PRUNE2: variants seen among roughly 807,000 people sequenced by gnomAD.
PRUNE2 encodes prune homolog 2 with BCH domain.
A neutral mutation model predicts 252.0 loss-of-function variants in PRUNE2; 164 were observed. The ratio of observed to expected loss-of-function variants is 0.65; its 90% CI spans 0.57 to 0.74. The LOEUF (loss-of-function observed/expected upper bound fraction) is 0.74. Ranked by LOEUF, PRUNE2 falls within the 30% of genes least tolerant of loss-of-function variation. The pLI is 0.00. For missense variants in PRUNE2, 3,495 were observed against 3,711.0 expected (o/e 0.94, Z 1.51); for synonymous variants, 1,292 against 1,350.2 (o/e 0.96, Z 0.94).
rs759627070 is a variant in PRUNE2, at chr9:76,774,459, T to TATTTATTTATTTATTTA, written c.756+49172_756+49173insTAAATAAATAAATAAAT. 4.4e-3 allele frequency among the ~76,000 whole-genome samples: 609 copies of TATTTATTTATTTATTTA among 139,116 alleles called. 19 individuals are homozygous for TATTTATTTATTTATTTA. Among genetic ancestry groups the TATTTATTTATTTATTTA allele is most frequent in the African/African-American group, 0.015 (586 of 38,036 alleles). 91.3% of individuals were successfully genotyped at this position (139,116 alleles called of 152,430 possible). ...GGCCTCCAGTTCAACCCTTTTTTTT[T>TATTTATTTATTTATTTA]TTTTTTTTTTTTTTTTTTGAGATGG... On this transcript the variant is annotated intron_variant, in intron 6 of 18. Coordinates refer to ENST00000376718, the MANE Select transcript of PRUNE2 (RefSeq NM_015225.3).
At chr9:76,809,804 T>TA (rs1254997578) in intron 6 of PRUNE2, among the ~76,000 whole-genome samples, 1 of 152,198 alleles carries the variant, frequency 6.6e-6, no homozygotes, top group Non-Finnish European at 1.5e-5. Flanking sequence ...GATTTAAAAA[T>TA]AAAATAAATG....
At chr9:76,642,651 G>C (rs1240179898) in intron 12 of PRUNE2, among the ~76,000 whole-genome samples, 1 of 152,210 alleles carries the variant, frequency 6.6e-6, no homozygotes, top group African/African-American at 2.4e-5. Context: ...ATGCTTATCA[G>C]AAGCCGAAGG....
At chr9:76,875,394 C>T (rs2061421300) in intron 1 of PRUNE2, among the ~76,000 whole-genome samples, 1 of 152,144 alleles carries the variant, frequency 6.6e-6, no homozygotes, top group Non-Finnish European at 1.5e-5. Flanking sequence ...TTGAGACAAT[C>T]TTGCTCTGTC....
chr9:76,678,644 A>G (rs1405542194), intron 9 of PRUNE2, among the ~76,000 whole-genome samples: 1 of 152,062 alleles, frequency 6.6e-6, no homozygotes, highest in African/African-American at 2.4e-5. Flanking sequence ...CCTGGCTAAC[A>G]CGGTGAAACC....
rs1358237619 is a variant in PRUNE2, at chr9:76,811,447, G to T, written c.756+12185C>A. Among the ~76,000 whole-genome samples, 3 of 152,252 alleles carry T rather than the reference G, an allele frequency of 2.0e-5. No homozygotes were observed. In the South Asian group the frequency reaches 6.2e-4, roughly 32 times the overall value. ...GATGACTAAAATGACTAGAACAAAA[G>T]TCTACCAATGACTTTTCCAGATACC... On this transcript the variant is annotated intron_variant, in intron 6 of 18. Coordinates refer to ENST00000376718, the MANE Select transcript of PRUNE2 (RefSeq NM_015225.3).
At chr9:76,877,259 C>A (rs2061526176) in intron 1 of PRUNE2, among the ~76,000 whole-genome samples, 2 of 151,884 alleles carry the variant, frequency 1.3e-5, no homozygotes, top group South Asian at 2.1e-4. Context: ...AATCCCAGCA[C>A]TTTGGTAGGC....
rs747362509 is a variant in PRUNE2 at position 76,614,619 on chromosome 9, G to C, written c.9237-19C>G. 1.2e-6 allele frequency: 2 copies of C among 1,605,070 alleles called. No individual in the cohort carries two copies. Among genetic ancestry groups the C allele is most frequent in the Admixed American group, 1.7e-5 (1 of 59,832 alleles). ...GTCAATACTGCAAAGAAAAGAAAAA[G>C]AGAGAGAAACATGAGAAACCAAATG... On this transcript the variant is annotated intron_variant, in intron 18 of 18. Transcript: ENST00000376718.
At chr9:76,650,339 A>G (rs1846911423) in intron 11 of PRUNE2, among the ~76,000 whole-genome samples, 1 of 151,464 alleles carries the variant, frequency 6.6e-6, no homozygotes, top group Admixed American at 6.6e-5. Flanking sequence ...ATATAATATA[A>G]ATGAAAAAGT....
chr9:76,780,970 GT>G (rs2054324560), intron 6 of PRUNE2, among the ~76,000 whole-genome samples: 1 of 152,110 alleles, frequency 6.6e-6, no homozygotes, highest in Non-Finnish European at 1.5e-5. Flanking sequence ...TTTATGCTAC[GT>G]ACCTGAGAAT....
chr9:76,763,138 G>A (rs1276818075), intron 6 of PRUNE2, among the ~76,000 whole-genome samples: 1 of 152,078 alleles, frequency 6.6e-6, no homozygotes, highest in Non-Finnish European at 1.5e-5. Context: ...TCTTCTGGTC[G>A]GGGCAGCATT....
chr9:76,790,425 T>C (rs1007303592), intron 6 of PRUNE2, among the ~76,000 whole-genome samples: 2 of 152,314 alleles, frequency 1.3e-5, no homozygotes, highest in African/African-American at 2.4e-5. Flanking sequence ...TAAGAACATA[T>C]AATCAGTCAC....
At chr9:76,618,765 T>A (rs928880480) in intron 18 of PRUNE2, among the ~76,000 whole-genome samples, 1 of 152,226 alleles carries the variant, frequency 6.6e-6, no homozygotes, top group Non-Finnish European at 1.5e-5. Context: ...CTGTGAAATG[T>A]ACCTCATAAA....
At position 76,689,656 on chromosome 9, in the gene PRUNE2, G is replaced by T. The variant is rs116742566; in HGVS notation, c.8276+13681C>A. 1.5e-3 allele frequency among the ~76,000 whole-genome samples: 223 copies of T among 152,204 alleles called. 1 individual carries two copies. The highest frequency in any genetic ancestry group is 5.3e-3 in the African/African-American group (219 of 41,536). On this transcript the variant is annotated intron_variant, in intron 9 of 18. Transcript: ENST00000376718. ...TTGCAGCCATGAGATACCGCACCAA[G>T]ATTTTTTTCTCAAAGGCCCTGGGAT...
intron 9 of PRUNE2, among the ~76,000 whole-genome samples, chr9:76,657,717 C>T (rs1335798262): frequency 6.6e-6 from 1 of 152,224 alleles, no homozygotes; most frequent in Non-Finnish European, 1.5e-5. Flanking sequence ...TAAGGTATTA[C>T]ATACCCTCCA....
chr9:76,885,964 G>A (rs1251986027), intron 1 of PRUNE2, among the ~76,000 whole-genome samples: 1 of 151,940 alleles, frequency 6.6e-6, no homozygotes, highest in African/African-American at 2.4e-5. Flanking sequence ...CAGATCACGA[G>A]GTCAAGAGAT....
chr9:76,692,104 G>C (rs1390987967), intron 9 of PRUNE2: 1 of 717,516 alleles, frequency 1.4e-6, no homozygotes, highest in Non-Finnish European at 2.6e-6. Flanking sequence ...CTTTCTAACG[G>C]AGGGTGAGAA....
intron 11 of PRUNE2, chr9:76,651,998 G>C (rs1256575302): frequency 1.3e-5 from 2 of 152,558 alleles, no homozygotes; most frequent in Non-Finnish European, 1.5e-5. Context: ...TGATTACAGA[G>C]GTCAAGGAAG....
intron 1 of PRUNE2, among the ~76,000 whole-genome samples, chr9:76,856,782 CT>C (rs2060273124): frequency 6.6e-6 from 1 of 151,318 alleles, no homozygotes; most frequent in Non-Finnish European, 1.5e-5. Flanking sequence ...AAGATGGAGT[CT>C]CGCTCTGTCA....
At chr9:76,747,712 G>A (rs1275538132) in intron 6 of PRUNE2, among the ~76,000 whole-genome samples, 1 of 152,094 alleles carries the variant, frequency 6.6e-6, no homozygotes, top group African/African-American at 2.4e-5. Flanking sequence ...ACTGCTTAAG[G>A]ATGACAACAA....
Sources: gnomAD v4.1 joint callset for allele counts (sites outside exome capture counted in the v4.1 genomes callset) on GRCh38, gnomAD v4.1.1 for gene constraint, MANE v1.5 for transcripts, NCBI Gene and HGNC (gene_info 2026-07-23, HGNC 2026-07-21) for gene names.